SPC24: variants seen among roughly 807,000 people sequenced by gnomAD.
SPC24 encodes the protein SPC24 component of NDC80 kinetochore complex.
Under a neutral mutation model 27.6 loss-of-function variants are expected in SPC24, and 31 were observed. The ratio of observed to expected loss-of-function variants is 1.12; its 90% CI spans 0.84 to 1.52. The LOEUF (loss-of-function observed/expected upper bound fraction) is 1.52, where lower values mean the gene tolerates loss of function less well. SPC24 is among the 40% of genes most tolerant of loss of function. The pLI is 0.00. For synonymous variants in SPC24, 105 were observed against 105.8 expected (o/e 0.99, Z 0.05); for missense variants, 284 against 252.5 (o/e 1.12, Z -0.84).
intron 4 of SPC24, 28 bp downstream of exon 4, chr19:11,147,790 G>T: frequency 6.3e-7 from 1 of 1,594,902 alleles, no homozygotes; most frequent in African/African-American, 1.3e-5. Flanking sequence ...AGTGCACAAG[G>T]GTTAAAATGG....
chr19:11,155,391 G>A (rs190336869), intron 1 of SPC24, among the ~76,000 whole-genome samples: 1 of 152,128 alleles, frequency 6.6e-6, no homozygotes, highest in African/African-American at 2.4e-5. Context: ...AACCCCTCCA[G>A]ACTCCTATAT....
chr19:11,149,167 C>G lies in SPC24; in HGVS notation c.232G>C (p.Val78Leu). Residue 78 changes from valine (V) to leucine (L), a missense_variant, in exon 2 of 5, where the codon GTG (valine) becomes CTG (leucine). Physicochemically the swap from Val to Leu is conservative, Grantham distance 32. Coordinates refer to ENST00000592540, the MANE Select transcript of SPC24 (RefSeq NM_182513.4). ...CCAGCTTCCAGCTGCTGCAGCTCCA[C>G]GCCTCCCTGGTGCACCTGCTCCTTC... ...NAKEQVHQGG[V>L]ELQQLEAGLQ... 6.5e-7 allele frequency: 1 copy of G among 1,550,348 alleles called. No individual in the cohort carries two copies. Among genetic ancestry groups the G allele is most frequent in the Non-Finnish European group, 8.7e-7 (1 of 1,146,896 alleles).
intron 2 of SPC24, among the ~76,000 whole-genome samples, chr19:11,148,780 AT>A (rs958232556): frequency 2.0e-5 from 3 of 150,326 alleles, no homozygotes; most frequent in African/African-American, 4.9e-5. Context: ...CGCCCGGCTA[AT>A]TTTTTTTTGT....
chr19:11,147,400 G>C, intron 4 of SPC24, 111 bp from the exon 5 acceptor site: 2 of 711,562 alleles, frequency 2.8e-6, no homozygotes, highest in South Asian at 1.9e-5. Context: ...TCATTCTGTA[G>C]GCCAGGCTGG....
At chr19:11,155,524 A>G in intron 1 of SPC24, 93 bp downstream of exon 1, 3 of 1,402,574 alleles carry the variant, frequency 2.1e-6, no homozygotes, top group Non-Finnish European at 2.8e-6. Context: ...GGGAGAGTCC[A>G]GGAGAGAAGG....
At chr19:11,151,678 CA>C (rs1188305580) in intron 1 of SPC24, among the ~76,000 whole-genome samples, 2 of 151,966 alleles carry the variant, frequency 1.3e-5, no homozygotes, top group African/African-American at 4.8e-5. Context: ...GGCACGGTCT[CA>C]GCTCACTGCA....
At chr19:11,152,345 G>T (rs2077879293) in intron 1 of SPC24, among the ~76,000 whole-genome samples, 3 of 152,124 alleles carry the variant, frequency 2.0e-5, no homozygotes, top group African/African-American at 7.2e-5. Flanking sequence ...GAGTAGCTGG[G>T]ATTACAGGCA....
chr19:11,150,141 C>T (rs1430178353), intron 1 of SPC24, among the ~76,000 whole-genome samples: 4 of 138,966 alleles, frequency 2.9e-5, no homozygotes, highest in Non-Finnish European at 4.5e-5. Flanking sequence ...GAGCCGAGAT[C>T]GTGCCACTGC....
chr19:11,148,130 G>A lies in SPC24; in HGVS notation c.306-13C>T, dbSNP rs763777717. ...TCTGGTGAGCTGAGTAGGGCAGGTC[G>A]TTAAGGACCCCGGCTTTCGAGAGAG... On this transcript the variant is annotated splice_polypyrimidine_tract_variant and intron_variant, in intron 2 of 4. Transcript: ENST00000592540. 14 of 1,599,620 alleles carry A rather than the reference G, an allele frequency of 8.8e-6. No individual in the cohort carries two copies. In the South Asian group the frequency reaches 1.0e-4, roughly 11 times the overall value.
At chr19:11,154,006 G>A (rs552455604) in intron 1 of SPC24, among the ~76,000 whole-genome samples, 3,846 of 151,900 alleles carry the variant, frequency 0.025, 107 homozygotes, top group East Asian at 0.096. Flanking sequence ...CCCAGGAGAC[G>A]CAGCTTGCAG....
intron 1 of SPC24, among the ~76,000 whole-genome samples, chr19:11,154,924 G>A (rs1333549033): frequency 2.0e-5 from 3 of 152,140 alleles, no homozygotes; most frequent in Non-Finnish European, 4.4e-5. Context: ...AGTGGCTCAC[G>A]TCTGCAGTCC....
At chr19:11,151,087 T>C (rs1244322125) in intron 1 of SPC24, among the ~76,000 whole-genome samples, 5 of 130,086 alleles carry the variant, frequency 3.8e-5, no homozygotes, top group African/African-American at 8.9e-5. Flanking sequence ...GGTGTGAACC[T>C]GGGAGGCGGA....
At position 11,146,871 on chromosome 19, in the gene SPC24, A is replaced by C. The variant is rs1411873073; in HGVS notation, c.*312T>G. On this transcript the variant is annotated 3_prime_UTR_variant, in exon 5 of 5. Coordinates refer to ENST00000592540, the MANE Select transcript of SPC24 (RefSeq NM_182513.4). ...GCGGGCGGGTGGATCACCTGAGGTC[A>C]GGAGTTCAAGACCAGCCTGACCACC... 3.0e-5 allele frequency: 5 copies of C among 169,098 alleles called. No homozygotes were observed. 10.5% of individuals were successfully genotyped at this position (169,098 alleles called of 1,614,324 possible). A position where few individuals can be genotyped will look rare whatever the true frequency, so the allele number is the denominator to read the frequency against.
chr19:11,151,495 C>A (rs2077870921), intron 1 of SPC24, among the ~76,000 whole-genome samples: 1 of 152,198 alleles, frequency 6.6e-6, no homozygotes, highest in African/African-American at 2.4e-5. Flanking sequence ...TCTGTCCGCC[C>A]TCCCGAAGGA....
chr19:11,150,243 C>T (rs1260932035), intron 1 of SPC24, among the ~76,000 whole-genome samples: 17 of 148,784 alleles, frequency 1.1e-4, no homozygotes, highest in African/African-American at 3.0e-4. Context: ...GTAATCCCAG[C>T]GCTTTGGGAG....
In SPC24 at chr19:11,149,217, T is replaced by C. The variant is rs757618657; in HGVS notation, c.182A>G (p.Glu61Gly). ...QLREILTMEK[E>G]VAQSLLNAKE... Reference sequence around the variant, plus strand: ...CGCATTGAGAAGGCTCTGGGCCACTTCCTTCTCCATGGTGAGGATCTCTGC... The same window carrying C: ...CGCATTGAGAAGGCTCTGGGCCACTCCCTTCTCCATGGTGAGGATCTCTGC... Residue 61 changes from glutamate to glycine, a missense_variant, in exon 2 of 5, where the codon GAA (glutamate) becomes GGA (glycine). Glu to Gly is a moderately conservative substitution (Grantham distance 98, BLOSUM62 -2). Coordinates refer to ENST00000592540, the MANE Select transcript of SPC24 (RefSeq NM_182513.4). The C allele has an allele frequency of 6.5e-7, 1 of 1,548,614 alleles. No individual in the cohort carries two copies. Among genetic ancestry groups the C allele is most frequent in the South Asian group, 1.2e-5 (1 of 83,636 alleles).
chr19:11,147,832 C>T lies in SPC24; in HGVS notation c.473G>A (p.Gly158Glu). 1 of 1,611,892 alleles carries T rather than the reference C, an allele frequency of 6.2e-7. No individual in the cohort carries two copies. Among genetic ancestry groups the T allele is most frequent in the Non-Finnish European group, 8.5e-7 (1 of 1,179,348 alleles). Reference protein sequence around the residue: ...KIEWDYECEPGMVKGIHHGPS... With the variant: ...KIEWDYECEPEMVKGIHHGPS... ...AAAAAGGATACTGCCTTTGACCATC[C>T]CTGGCTCACACTCATAATCCCACTC... The change falls in exon 4 of 5, where the codon GGG becomes GAG. Residue 158 changes from glycine (G) to glutamate (E), a missense_variant. By Grantham distance (98) the Gly-to-Glu change is moderately conservative. Transcript: ENST00000592540.
At chr19:11,148,748 C>G (rs867915844) in intron 2 of SPC24, among the ~76,000 whole-genome samples, 1 of 152,048 alleles carries the variant, frequency 6.6e-6, no homozygotes, top group African/African-American at 2.4e-5. Flanking sequence ...CCTGGGCTCA[C>G]GCCATTCTCC....
At chr19:11,152,625 G>T (rs1049129672) in intron 1 of SPC24, among the ~76,000 whole-genome samples, 1 of 152,134 alleles carries the variant, frequency 6.6e-6, no homozygotes, top group Admixed American at 6.6e-5. Flanking sequence ...ATGTGAACTG[G>T]ATCTGTTTGA....
Sources: gnomAD v4.1 joint callset for allele counts (sites outside exome capture counted in the v4.1 genomes callset) on GRCh38, gnomAD v4.1.1 for gene constraint, MANE v1.5 for transcripts, NCBI Gene and HGNC (gene_info 2026-07-23, HGNC 2026-07-21) for gene names.